GLRA1: variants seen among roughly 807,000 people sequenced by gnomAD.
GLRA1 encodes the protein glycine receptor subunit alpha-1.
Under a neutral mutation model 48.3 loss-of-function variants are expected in GLRA1, and 37 were observed. The observed-to-expected ratio is 0.77, with a 90% CI of 0.59 to 1.01. GLRA1 has a LOEUF of 1.01. GLRA1 is among the 50% of genes least tolerant of loss of function. The pLI is 0.00. For missense variants in GLRA1, 427 were observed against 571.0 expected, an observed-to-expected ratio of 0.75 and a Z score of 2.57; for synonymous variants, 196 against 210.7, an observed-to-expected ratio of 0.93 and a Z score of 0.60.
At chr5:151,864,973 C>G (rs974590868) in intron 3 of GLRA1, among the ~76,000 whole-genome samples, 2 of 152,152 alleles carry the variant, frequency 1.3e-5, no homozygotes, top group African/African-American at 4.8e-5. Context: ...CCTAAGATCA[C>G]ACAACAATTC....
At chr5:151,894,701 T>A (rs1754187227) in intron 1 of GLRA1, among the ~76,000 whole-genome samples, 1 of 152,256 alleles carries the variant, frequency 6.6e-6, no homozygotes, top group Admixed American at 6.5e-5. Context: ...ACATAATTGG[T>A]GCTCAGTAAT....
intron 1 of GLRA1, among the ~76,000 whole-genome samples, chr5:151,896,097 A>G (rs1754221546): frequency 6.6e-6 from 1 of 152,222 alleles, no homozygotes; most frequent in East Asian, 1.9e-4. Context: ...TTCTCCCCAC[A>G]TCATCCCATA....
intron 1 of GLRA1, among the ~76,000 whole-genome samples, chr5:151,909,185 CGA>C (rs1316690005): frequency 6.6e-6 from 1 of 151,974 alleles, no homozygotes; most frequent in African/African-American, 2.4e-5. Flanking sequence ...GGAGAAGGGT[CGA>C]GAGTCACAGA....
intron 1 of GLRA1, among the ~76,000 whole-genome samples, chr5:151,902,325 T>C (rs1170138828): frequency 6.6e-6 from 1 of 151,854 alleles, no homozygotes; most frequent in Non-Finnish European, 1.5e-5. Flanking sequence ...ATCTGGGTTA[T>C]CTTCTGCTTG....
intron 3 of GLRA1, among the ~76,000 whole-genome samples, chr5:151,865,265 C>T (rs1033133507): frequency 5.3e-5 from 8 of 152,084 alleles, no homozygotes; most frequent in Non-Finnish European, 1.2e-4. Context: ...GGGTTAAACG[C>T]AGGGTGCTAG....
At chr5:151,847,048 A>T (rs1404576448) in intron 7 of GLRA1, among the ~76,000 whole-genome samples, 1 of 152,214 alleles carries the variant, frequency 6.6e-6, no homozygotes, top group Non-Finnish European at 1.5e-5. Context: ...TATATGTGGG[A>T]AAATGATGAC....
intron 1 of GLRA1, among the ~76,000 whole-genome samples, chr5:151,908,777 G>C: frequency 6.6e-6 from 1 of 152,126 alleles, no homozygotes; most frequent in East Asian, 1.9e-4. Flanking sequence ...AGAACTGAAA[G>C]GGAAGTGTGT....
chr5:151,901,284 A>G (rs1025424868), intron 1 of GLRA1, among the ~76,000 whole-genome samples: 3 of 152,052 alleles, frequency 2.0e-5, no homozygotes, highest in African/African-American at 7.2e-5. Flanking sequence ...CACTTGGGAA[A>G]ATTTTCCCAT....
chr5:151,886,395 G>A (rs891107166), intron 3 of GLRA1, among the ~76,000 whole-genome samples: 11 of 152,130 alleles, frequency 7.2e-5, no homozygotes, highest in Non-Finnish European at 1.0e-4. Flanking sequence ...CTGCCATTCT[G>A]CAGTTGAATG....
intron 7 of GLRA1, among the ~76,000 whole-genome samples, chr5:151,846,601 A>T (rs554142568): frequency 6.6e-5 from 10 of 152,300 alleles, no homozygotes; most frequent in Admixed American, 5.9e-4. Context: ...TCTACTGCTG[A>T]TGGCAAATGA....
intron 7 of GLRA1, chr5:151,849,831 G>A: frequency 1.5e-6 from 2 of 1,298,328 alleles, no homozygotes; most frequent in South Asian, 1.6e-5. Context: ...TGGGATTACA[G>A]GCATGAGCCA....
chr5:151,868,668 C>T (rs1753398726), intron 3 of GLRA1, among the ~76,000 whole-genome samples: 1 of 152,216 alleles, frequency 6.6e-6, no homozygotes, highest in Non-Finnish European at 1.5e-5. Flanking sequence ...TATGACGTAC[C>T]TGTGGGTTTT....
At chr5:151,893,038 A>C (rs1052507623) in intron 1 of GLRA1, among the ~76,000 whole-genome samples, 3 of 152,184 alleles carry the variant, frequency 2.0e-5, no homozygotes, top group African/African-American at 7.2e-5. Flanking sequence ...ATACTTCACA[A>C]AATCTCACTT....
rs1581672677 is a variant in GLRA1 at position 151,924,716 on chromosome 5, G to C, written c.-167C>G. ...GCCCCAGGGGAAATTGGAGCGAGGG[G>C]GTCGTAGATACCACGGACAGCGGCG... On this transcript the variant is annotated 5_prime_UTR_variant, in exon 1 of 9. Transcript: ENST00000274576. 3 of 686,798 alleles carry C rather than the reference G, an allele frequency of 4.4e-6. No homozygotes were observed. The highest frequency in any genetic ancestry group is 3.5e-5 in the African/African-American group (2 of 56,528). 42.5% of individuals were successfully genotyped at this position (686,798 alleles called of 1,614,324 possible).
At chr5:151,862,417 G>A (rs1419253072) in intron 3 of GLRA1, among the ~76,000 whole-genome samples, 1 of 152,164 alleles carries the variant, frequency 6.6e-6, no homozygotes, top group Non-Finnish European at 1.5e-5. Context: ...CAACAAAATT[G>A]ACAAATGGGA....
intron 3 of GLRA1, among the ~76,000 whole-genome samples, chr5:151,879,395 C>T (rs1199821313): frequency 6.6e-6 from 1 of 151,456 alleles, no homozygotes; most frequent in African/African-American, 2.4e-5. Context: ...CACTCTCTTG[C>T]CCAGGCTGGA....
chr5:151,887,749 T>A (rs1299393057), intron 2 of GLRA1, among the ~76,000 whole-genome samples: 1 of 152,138 alleles, frequency 6.6e-6, no homozygotes, highest in Non-Finnish European at 1.5e-5. Flanking sequence ...GAGTCCAGAA[T>A]TTTCAGCACT....
chr5:151,878,482 A>G (rs1312601400), intron 3 of GLRA1, among the ~76,000 whole-genome samples: 1 of 152,218 alleles, frequency 6.6e-6, no homozygotes, highest in African/African-American at 2.4e-5. Context: ...TGAGGAGCCA[A>G]ATGTTAATCC....
chr5:151,901,765 AATGGCTATCATTC>A (rs1335692142), intron 1 of GLRA1, among the ~76,000 whole-genome samples: 4 of 152,212 alleles, frequency 2.6e-5, no homozygotes, highest in Admixed American at 2.0e-4. Flanking sequence ...TAATGACAGT[AATGGCTATCATTC>A]ATGATACTTT....
Sources: gnomAD v4.1 joint callset for allele counts (sites outside exome capture counted in the v4.1 genomes callset) on GRCh38, gnomAD v4.1.1 for gene constraint, MANE v1.5 for transcripts, NCBI Gene and HGNC (gene_info 2026-07-23, HGNC 2026-07-21) for gene names.